The following C9 variants were observed in gnomAD, a reference collection of about 807,000 sequenced individuals.
C9 encodes complement C9, also known as complement component C9.
C9 carries 63 observed loss-of-function variants against 65.4 expected under a neutral mutation model. That is an observed-to-expected ratio of 0.96 (90% CI 0.79 to 1.19). The LOEUF is 1.19. Among genes scored for constraint, C9 ranks in the 50% most tolerant of loss-of-function variants. The pLI, the probability that C9 is intolerant of heterozygous loss-of-function variation, is 0.00. For missense variants in C9, 744 were observed against 670.1 expected, an observed-to-expected ratio of 1.11 and a Z score of -1.22; for synonymous variants, 229 against 227.9, an observed-to-expected ratio of 1.00 and a Z score of -0.04.
At chr5:39,322,837 A>G (rs1753686329) in intron 5 of C9, among the ~76,000 whole-genome samples, 1 of 152,104 alleles carries the variant, frequency 6.6e-6, no homozygotes, top group South Asian at 2.1e-4. Flanking sequence ...TCACTTAGGT[A>G]TTCTAAGTAA....
At chr5:39,331,921 C>A (rs1168022606) in intron 4 of C9, 107 bp from the exon 5 acceptor site, 1 of 923,412 alleles carries the variant, frequency 1.1e-6, no homozygotes, top group Non-Finnish European at 1.8e-6. Flanking sequence ...GTCACCGTCA[C>A]CCAATATGTG....
chr5:39,296,487 A>T (rs1753188329), intron 9 of C9, among the ~76,000 whole-genome samples: 1 of 151,636 alleles, frequency 6.6e-6, no homozygotes, highest in African/African-American at 2.4e-5. Flanking sequence ...AACTCATAAC[A>T]CTGTTGGTGG....
chr5:39,289,592 A>T (rs939463483), intron 9 of C9, among the ~76,000 whole-genome samples: 13 of 151,792 alleles, frequency 8.6e-5, no homozygotes, highest in African/African-American at 3.1e-4. Flanking sequence ...CCATAGCTAG[A>T]TATTTAGCAG....
intron 1 of C9, among the ~76,000 whole-genome samples, chr5:39,357,134 A>G (rs931923175): frequency 1.3e-5 from 2 of 152,212 alleles, no homozygotes; most frequent in Non-Finnish European, 2.9e-5. Flanking sequence ...AGTTTTAGAA[A>G]AAGAAAGCCT....
At chr5:39,353,539 T>C (rs188845923) in intron 1 of C9, among the ~76,000 whole-genome samples, 19 of 152,336 alleles carry the variant, frequency 1.2e-4, no homozygotes, top group African/African-American at 4.6e-4. Flanking sequence ...GGACACACAT[T>C]ATATTTTTCT....
At chr5:39,339,456 T>C (rs951377852) in intron 4 of C9, among the ~76,000 whole-genome samples, 2 of 152,164 alleles carry the variant, frequency 1.3e-5, no homozygotes, top group African/African-American at 4.8e-5. Context: ...CTAAACTTTA[T>C]AGAGGTCTTA....
At chr5:39,313,122 G>T (rs1009477216) in intron 6 of C9, among the ~76,000 whole-genome samples, 1 of 152,126 alleles carries the variant, frequency 6.6e-6, no homozygotes, top group African/African-American at 2.4e-5. Context: ...ATCCAAATAT[G>T]CAGTTGTTTC....
chr5:39,290,396 C>T (rs1236739998), intron 9 of C9, among the ~76,000 whole-genome samples: 2 of 151,602 alleles, frequency 1.3e-5, no homozygotes, highest in Admixed American at 6.6e-5. Flanking sequence ...TGGCAGAGCA[C>T]TTTAAAACAA....
intron 9 of C9, 120 bp downstream of exon 9, chr5:39,306,497 T>C (rs889775209): frequency 9.1e-5 from 74 of 815,884 alleles, no homozygotes; most frequent in Admixed American, 2.0e-5. Context: ...GGGGAAGAAA[T>C]GGGAGTGTAT....
At chr5:39,306,530 G>C in intron 9 of C9, 87 bp downstream of exon 9, 1 of 1,071,954 alleles carries the variant, frequency 9.3e-7, no homozygotes. Flanking sequence ...GTCTCTTTCA[G>C]ATGAAGCTAA....
intron 9 of C9, among the ~76,000 whole-genome samples, chr5:39,292,685 G>A (rs986093605): frequency 1.3e-5 from 2 of 151,142 alleles, no homozygotes; most frequent in African/African-American, 4.9e-5. Context: ...TTAAAAATAT[G>A]TATGTAAAAT....
intron 10 of C9, among the ~76,000 whole-genome samples, chr5:39,287,466 T>C (rs1753011616): frequency 6.6e-6 from 1 of 152,040 alleles, no homozygotes; most frequent in Non-Finnish European, 1.5e-5. Context: ...ATAATCTTTA[T>C]ATGAAAAAGA....
chr5:39,293,725 A>C (rs1247102039), intron 9 of C9, among the ~76,000 whole-genome samples: 1 of 152,030 alleles, frequency 6.6e-6, no homozygotes, highest in East Asian at 1.9e-4. Flanking sequence ...ACATTTACAG[A>C]ACTTTTTGCC....
At chr5:39,357,224 C>CA (rs1210968709) in intron 1 of C9, among the ~76,000 whole-genome samples, 1 of 152,150 alleles carries the variant, frequency 6.6e-6, no homozygotes, top group Non-Finnish European at 1.5e-5. Context: ...ATCTTTTGGT[C>CA]AATAAATATG....
At chr5:39,336,342 C>T (rs1315436657) in intron 4 of C9, among the ~76,000 whole-genome samples, 16 of 152,044 alleles carry the variant, frequency 1.1e-4, no homozygotes, top group Admixed American at 1.0e-3. Context: ...ATTTCCCTCA[C>T]AGAATTTTAA....
chr5:39,329,290 T>C (rs1753804239), intron 5 of C9, among the ~76,000 whole-genome samples: 1 of 152,208 alleles, frequency 6.6e-6, no homozygotes, highest in Non-Finnish European at 1.5e-5. Context: ...GCTAAGTCTT[T>C]AACTAATTAT....
intron 7 of C9, among the ~76,000 whole-genome samples, chr5:39,309,120 T>G (rs1204369329): frequency 6.6e-6 from 1 of 152,160 alleles, no homozygotes; most frequent in Non-Finnish European, 1.5e-5. Flanking sequence ...AGAAAAATCC[T>G]AATATTTTCA....
intron 5 of C9, among the ~76,000 whole-genome samples, chr5:39,325,326 C>A (rs902689415): frequency 1.2e-4 from 19 of 152,204 alleles, no homozygotes; most frequent in African/African-American, 4.1e-4. Context: ...GGTAATATGA[C>A]AGTAAAGGAT....
intron 4 of C9, among the ~76,000 whole-genome samples, chr5:39,339,591 C>G (rs1212517375): frequency 6.6e-6 from 1 of 151,904 alleles, no homozygotes. Flanking sequence ...TAGCACTCCC[C>G]ATTCTCACCC....
Sources: allele counts gnomAD v4.1 joint callset (sites outside exome capture counted in the v4.1 genomes callset), GRCh38; gene constraint gnomAD v4.1.1; transcripts MANE v1.5; gene names NCBI Gene and HGNC (gene_info 2026-07-23, HGNC 2026-07-21).